The following TNPO2 variants were observed in gnomAD, a reference collection of about 807,000 sequenced individuals.
The protein encoded by TNPO2 is transportin 2, also known as transportin-2.
In TNPO2, 16 loss-of-function variants were observed where a neutral mutation model predicts 111.1. The ratio of observed to expected loss-of-function variants is 0.14; its 90% confidence interval spans 0.10 to 0.22. The LOEUF (loss-of-function observed/expected upper bound fraction) is 0.22, where lower values mean the gene tolerates loss of function less well. Ranked by LOEUF, TNPO2 falls within the 10% of genes least tolerant of loss-of-function variation. TNPO2 has a pLI of 1.00. For synonymous variants in TNPO2, 481 were observed against 475.8 expected (o/e 1.01, Z -0.14); for missense variants, 530 against 1,173.7 (o/e 0.45, Z 8.01).
Position 12,721,650 on chromosome 19 carries a change from A to G in TNPO2, c.-13-660T>C. 7.5e-6 allele frequency: 2 copies of G among 266,032 alleles called. No individual in the cohort carries two copies. Among genetic ancestry groups the G allele is most frequent in the South Asian group, 6.3e-5 (2 of 31,556 alleles). 16.5% of individuals were successfully genotyped at this position (266,032 alleles called of 1,614,324 possible). On this transcript the variant is annotated intron_variant, in intron 2 of 25. Coordinates refer to ENST00000425528, the MANE Select transcript of TNPO2 (RefSeq NM_001382241.1). The surrounding 1 kb of genome is among the most constrained non-coding windows in gnomAD (Gnocchi z 4.9). Reference sequence around the variant, plus strand: ...CAAATTCTAAGGATTCCCCTTAATCAGGCCCAAAGCAGTCCCCAGGTAGGT... The same window carrying G: ...CAAATTCTAAGGATTCCCCTTAATCGGGCCCAAAGCAGTCCCCAGGTAGGT...
chr19:12,710,852 GA>G (rs1428628298), intron 12 of TNPO2, 79 bp from the exon 13 acceptor site: 2 of 1,309,676 alleles, frequency 1.5e-6, no homozygotes, highest in Non-Finnish European at 2.1e-6. Flanking sequence ...GCACTCCCAG[GA>G]TCAGAGATCA....
chr19:12,707,871 A>G (rs1375183165), intron 13 of TNPO2, among the ~76,000 whole-genome samples: 4 of 151,828 alleles, frequency 2.6e-5, no homozygotes, highest in African/African-American at 4.8e-5. Context: ...CCCAAGCTGA[A>G]GTACAGTTGC....
At chr19:12,722,947 A>C (rs963381287) in intron 2 of TNPO2, among the ~76,000 whole-genome samples, 2 of 152,132 alleles carry the variant, frequency 1.3e-5, no homozygotes, top group African/African-American at 4.8e-5. Context: ...CTCCACTAAA[A>C]ATTGAAATGT....
intron 5 of TNPO2, among the ~76,000 whole-genome samples, chr19:12,717,669 A>G (rs933165900): frequency 6.6e-6 from 1 of 152,084 alleles, no homozygotes; most frequent in African/African-American, 2.4e-5. Context: ...GGGTTTTTGC[A>G]GGACTAAAAG....
intron 13 of TNPO2, 67 bp downstream of exon 13, chr19:12,710,554 G>T: frequency 6.4e-7 from 1 of 1,558,424 alleles, no homozygotes; most frequent in East Asian, 2.3e-5. Context: ...GCATTGGTGT[G>T]GCTAGTAATG....
rs903103522 is a variant in TNPO2, at chr19:12,699,902, A to G, written c.*1362T>C. On this transcript the variant is annotated 3_prime_UTR_variant, in exon 26 of 26. Coordinates refer to ENST00000425528, the MANE Select transcript of TNPO2 (RefSeq NM_001382241.1). Reference sequence around the variant, plus strand: ...GACTCCAAAACACAAGGGGCTCCCCAAAGAAGTAGAAAGCAGGGAAGGAAA... The same window carrying G: ...GACTCCAAAACACAAGGGGCTCCCCGAAGAAGTAGAAAGCAGGGAAGGAAA... 5 of 152,508 alleles carry G rather than the reference A, an allele frequency of 3.3e-5. No individual in the cohort carries two copies. Among genetic ancestry groups the G allele is most frequent in the African/African-American group, 1.2e-4 (5 of 41,418 alleles). 9.4% of individuals were successfully genotyped at this position (152,508 alleles called of 1,614,324 possible). A position where few individuals can be genotyped will look rare whatever the true frequency, so the allele number is the denominator to read the frequency against.
rs775049018 is a variant in TNPO2 at position 12,720,960 on chromosome 19, G to C, written c.18C>G (p.Asp6Glu). 1.3e-6 allele frequency: 2 copies of C among 1,591,026 alleles called. No homozygotes were observed. The highest frequency in any genetic ancestry group is 1.7e-6 in the Non-Finnish European group (2 of 1,171,088). Reference protein sequence around the residue: MDWQPDEQGLQQVLQL... With the variant: MDWQPEEQGLQQVLQL... The stretch of plus-strand genomic sequence containing the variant: ...GCAGGACCTGCTGCAGGCCCTGCTC[G>C]TCTGGCTGCCAGTCCATGGCGCAAG... Residue 6 changes from aspartate to glutamate, a missense_variant, in exon 3 of 26, where the codon GAC becomes GAG. Asp to Glu is a conservative substitution (Grantham distance 45). Coordinates refer to ENST00000425528, the MANE Select transcript of TNPO2 (RefSeq NM_001382241.1).
chr19:12,721,738 G>C lies in TNPO2; in HGVS notation c.-13-748C>G, dbSNP rs1418586745. 1.2e-5 allele frequency: 2 copies of C among 163,992 alleles called. No individual in the cohort carries two copies. Among genetic ancestry groups the C allele is most frequent in the Non-Finnish European group, 2.7e-5 (2 of 75,176 alleles). The allele number at this position is 163,992 out of a possible 1,614,324, so 10.2% of individuals were successfully genotyped here. ...GCCAACCCACTATAGGAGCCCCCTG[G>C]ACCGATCCCAGTCGCCTTCCCCAAT... On this transcript the variant is annotated intron_variant, in intron 2 of 25. Transcript: ENST00000425528. The surrounding 1 kb of genome is among the most constrained non-coding windows in gnomAD (Gnocchi z 4.9).
chr19:12,701,419 T>A lies in TNPO2; in HGVS notation c.2621A>T (p.Asp874Val). ...LHGFKDQVGE[D>V]NWQQFSEQFP... ...TTGCTCAGAGAACTGCTGCCAGTTA[T>A]CTTCCCCAACTTGGTCTTTGAAGCC... Residue 874 changes from aspartate (D) to valine (V), a missense_variant, in exon 25 of 26, where the codon GAT becomes GTT. Asp to Val is a radical substitution (Grantham distance 152, BLOSUM62 -3). This residue lies in a region of TNPO2 where 103 missense variants were observed against 156.7 expected (regional missense o/e 0.66). Coordinates refer to ENST00000425528, the MANE Select transcript of TNPO2 (RefSeq NM_001382241.1). The surrounding 1 kb of genome is among the most constrained non-coding windows in gnomAD (Gnocchi z 5.0). 6.2e-7 allele frequency: 1 copy of A among 1,613,992 alleles called. No homozygotes were observed. The highest frequency in any genetic ancestry group is 8.5e-7 in the Non-Finnish European group (1 of 1,179,878).
In TNPO2 at chr19:12,719,497, G is replaced by A. The variant is rs1177740900; in HGVS notation, c.100-161C>T. The stretch of plus-strand genomic sequence containing the variant: ...CAATGACACAGAGCACCTCAGACAC[G>A]TCAAATTCATATAAGGGGCCGGGCG... On this transcript the variant is annotated intron_variant, in intron 3 of 25. Transcript: ENST00000425528. The surrounding 1 kb of genome is among the most constrained non-coding windows in gnomAD (Gnocchi z 5.0). 3.3e-5 allele frequency among the ~76,000 whole-genome samples: 5 copies of A among 152,018 alleles called. No homozygotes were observed. Among genetic ancestry groups the A allele is most frequent in the African/African-American group, 7.2e-5 (3 of 41,388 alleles).
Position 12,702,376 on chromosome 19 carries a change from CTTTCCT to C in TNPO2, c.2306-205_2306-200del. The C allele has an allele frequency of 1.4e-6, 1 of 692,570 alleles. No individual in the cohort carries two copies. Among genetic ancestry groups the C allele is most frequent in the South Asian group, 1.5e-5 (1 of 66,250 alleles). 42.9% of individuals were successfully genotyped at this position (692,570 alleles called of 1,614,324 possible). ...ATCTATCTTTCTTTCTTTCCTTTCC[CTTTCCT>C]TTTTGTTTTTTTTTGTTTTGTTTTG... is the stretch of plus-strand genomic sequence containing the variant. On this transcript the variant is annotated intron_variant, in intron 21 of 25. Coordinates refer to ENST00000425528, the MANE Select transcript of TNPO2 (RefSeq NM_001382241.1). This position sits in a 1 kb window ranked among gnomAD's most constrained non-coding sequence, Gnocchi z 5.5.
chr19:12,708,068 C>T (rs1360136164), intron 13 of TNPO2, among the ~76,000 whole-genome samples: 2 of 152,084 alleles, frequency 1.3e-5, no homozygotes, highest in African/African-American at 4.8e-5. Flanking sequence ...TTGATTCAAC[C>T]GCCTCGGCCT....
At chr19:12,718,949 C>T in intron 5 of TNPO2, 80 bp downstream of exon 5, 15 of 1,558,660 alleles carry the variant, frequency 9.6e-6, no homozygotes, top group Non-Finnish European at 1.3e-5. Flanking sequence ...CCAGAGCATT[C>T]CATGAAGCAC....
At chr19:12,707,493 T>C (rs1263107805) in intron 13 of TNPO2, among the ~76,000 whole-genome samples, 3 of 135,078 alleles carry the variant, frequency 2.2e-5, no homozygotes, top group East Asian at 4.2e-4. Flanking sequence ...TTTTTTTTTT[T>C]TTTTTTTTTT....
chr19:12,715,210 C>A lies in TNPO2; in HGVS notation c.648+33G>T, dbSNP rs58162150. ...GGGTCAGTTGTAGGGGCCCTCAGTC[C>A]TCGCCCTGCCCACCCCCAGCCCAGC... On this transcript the variant is annotated intron_variant, in intron 8 of 25. Coordinates refer to ENST00000425528, the MANE Select transcript of TNPO2 (RefSeq NM_001382241.1). The surrounding 1 kb of genome is among the most constrained non-coding windows in gnomAD (Gnocchi z 7.1). The A allele has an allele frequency of 0.03, 48,508 of 1,613,648 alleles. 5,219 individuals carry two copies. In the African/African-American group the frequency reaches 0.36, roughly 12 times the overall value.
intron 13 of TNPO2, among the ~76,000 whole-genome samples, chr19:12,709,398 T>C (rs2025904298): frequency 6.7e-6 from 1 of 150,138 alleles, no homozygotes; most frequent in African/African-American, 2.5e-5. Context: ...TGTAATCTAT[T>C]AACATATGTA....
chr19:12,717,053 C>T (rs1599426513), intron 5 of TNPO2, among the ~76,000 whole-genome samples: 1 of 151,868 alleles, frequency 6.6e-6, no homozygotes, highest in Non-Finnish European at 1.5e-5. Flanking sequence ...CTGTTAAGTG[C>T]AGAGATGGTA....
At chr19:12,710,477 C>T in intron 13 of TNPO2, 144 bp downstream of exon 13, 3 of 988,474 alleles carry the variant, frequency 3.0e-6, no homozygotes, top group Non-Finnish European at 4.3e-6. Flanking sequence ...GGCCCAGGAA[C>T]CAAGGGGAGA....
At chr19:12,716,035 A>G (rs1381300790) in intron 5 of TNPO2, among the ~76,000 whole-genome samples, 1 of 151,974 alleles carries the variant, frequency 6.6e-6, no homozygotes, top group Non-Finnish European at 1.5e-5. Flanking sequence ...ACGCCCAACT[A>G]ATTTTTAAAA....
Sources: allele counts gnomAD v4.1 joint callset (sites outside exome capture counted in the v4.1 genomes callset), GRCh38; gene constraint gnomAD v4.1.1; regional missense constraint gnomAD v4.1.1; non-coding constraint Gnocchi (gnomAD v3.1); transcripts MANE v1.5; gene names NCBI Gene and HGNC (gene_info 2026-07-23, HGNC 2026-07-21).